PLEKHG2: variants seen among roughly 807,000 people sequenced by gnomAD.
PLEKHG2 encodes pleckstrin homology and RhoGEF domain containing G2, also known as pleckstrin homology domain-containing family G member 2.
In PLEKHG2, 71 loss-of-function variants were observed where a neutral mutation model predicts 104.4. That is an observed-to-expected ratio of 0.68 (90% CI 0.56 to 0.83). PLEKHG2 has a LOEUF of 0.83. Ranked by LOEUF, PLEKHG2 falls within the 40% of genes least tolerant of loss-of-function variation. The pLI is 0.00. For missense variants in PLEKHG2, 1,730 were observed against 1,809.4 expected (o/e 0.96, Z 0.80); for synonymous variants, 728 against 737.0 (o/e 0.99, Z 0.20).
At position 39,415,384 on chromosome 19, in the gene PLEKHG2, G is replaced by A. The variant is rs192537404; in HGVS notation, c.424G>A (p.Val142Met). The part of the protein sequence containing the change: ...LLDGGVLGLS[V>M]EQVGTLFANI... ...GGACGGCGGGGTCCTGGGGCTGAGC[G>A]TGGAGCAGGTGGGCACGCTGTTTGC... The change falls in exon 4 of 19, where the codon GTG (valine) becomes ATG (methionine). Residue 142 changes from valine (V) to methionine (M), a missense_variant. Val to Met is a conservative substitution (Grantham distance 21). Coordinates refer to ENST00000425673, the MANE Select transcript of PLEKHG2 (RefSeq NM_022835.3). The surrounding 1 kb of genome is among the most constrained non-coding windows in gnomAD (Gnocchi z 4.6). 42 of 1,614,046 alleles carry A rather than the reference G, an allele frequency of 2.6e-5. No individual in the cohort carries two copies. The highest frequency in any genetic ancestry group is 4.0e-5 in the African/African-American group (3 of 74,930).
rs1458879433 is a variant in PLEKHG2, at chr19:39,413,981, C to G, written c.-22-84C>G. The G allele has an allele frequency of 3.2e-6, 3 of 929,028 alleles. No homozygotes were observed. The highest frequency in any genetic ancestry group is 4.8e-6 in the Non-Finnish European group (3 of 620,306). 57.5% of individuals were successfully genotyped at this position (929,028 alleles called of 1,614,324 possible). Reference sequence around the variant, plus strand: ...CCCCTCCCTGGATTTACACCACGCTCCTAATTCCCAGCCCCCATCTGTGAG... The same window carrying G: ...CCCCTCCCTGGATTTACACCACGCTGCTAATTCCCAGCCCCCATCTGTGAG... On this transcript the variant is annotated intron_variant, in intron 1 of 18. Transcript: ENST00000425673. This position sits in a 1 kb window ranked among gnomAD's most constrained non-coding sequence, Gnocchi z 4.5.
rs1171785303 is a variant in PLEKHG2 at position 39,414,138 on chromosome 19, G to C, written c.52G>C (p.Gly18Arg). The change falls in exon 2 of 19, where the codon GGG (glycine) becomes CGG (arginine). Residue 18 changes from glycine to arginine, a missense_variant. By Grantham distance (125) the Gly-to-Arg change is moderately radical (BLOSUM62 -2). Transcript: ENST00000425673. ...LSLSKPSPSL[G>R]CGRRGEVCDC... is the part of the protein sequence containing the mutation. ...CCTCTCCAAACCTAGCCCAAGCCTC[G>C]GGTGTGGCCGAAGAGGTGAAGTGTG... 7 of 1,551,400 alleles carry C rather than the reference G, an allele frequency of 4.5e-6. No individual in the cohort carries two copies. Among genetic ancestry groups the C allele is most frequent in the African/African-American group, 1.4e-5 (1 of 73,054 alleles).
At position 39,418,613 on chromosome 19, in the gene PLEKHG2, G is replaced by A; in HGVS notation, c.1084-121G>A. 5 of 739,308 alleles carry A rather than the reference G, an allele frequency of 6.8e-6. No individual in the cohort carries two copies. The South Asian group carries it at 6.9e-5, about 10-fold the overall frequency. The allele number at this position is 739,308 out of a possible 1,614,324, so 45.8% of individuals were successfully genotyped here. The stretch of plus-strand genomic sequence containing the variant: ...AAAGGGAGAGGAAACCCACCATACA[G>A]CCTTATGGGATGCATCTTCCTAGGG... On this transcript the variant is annotated intron_variant, in intron 9 of 18. Coordinates refer to ENST00000425673, the MANE Select transcript of PLEKHG2 (RefSeq NM_022835.3).
chr19:39,421,651 T>C, intron 16 of PLEKHG2: 1 of 381,072 alleles, frequency 2.6e-6, no homozygotes, highest in South Asian at 2.7e-5. Context: ...GACACACCAC[T>C]GCACTCCAGC....
intron 16 of PLEKHG2, 174 bp from the exon 17 acceptor site, chr19:39,421,941 C>T (rs888264623): frequency 1.7e-5 from 9 of 540,160 alleles, no homozygotes; most frequent in South Asian, 4.0e-5. Context: ...CGCTTGAACC[C>T]GGGAGGCGGA....
intron 9 of PLEKHG2, 126 bp from the exon 10 acceptor site, chr19:39,418,608 A>G (rs1031374351): frequency 2.7e-5 from 19 of 696,452 alleles, no homozygotes; most frequent in Non-Finnish European, 4.1e-5. Flanking sequence ...GAAACCCACC[A>G]TACAGCCTTA....
chr19:39,417,734 A>C, intron 8 of PLEKHG2, 42 bp downstream of exon 8: 1 of 785,692 alleles, frequency 1.3e-6, no homozygotes, highest in Non-Finnish European at 1.8e-6. Flanking sequence ...TGAGGGAGTG[A>C]GCGAGGGGGC....
Position 39,423,273 on chromosome 19 carries a change from C to T in PLEKHG2, c.2219C>T (p.Ser740Leu). The T allele has an allele frequency of 6.2e-7, 1 of 1,614,052 alleles. No homozygotes were observed. The highest frequency in any genetic ancestry group is 8.5e-7 in the Non-Finnish European group (1 of 1,179,896). Residue 740 changes from serine to leucine, a missense_variant, in exon 18 of 19, where the codon TCA becomes TTA. Transcript: ENST00000425673. The stretch of plus-strand genomic sequence containing the variant: ...CCAGAGGAGGATGAAGAAGGGGTAT[C>T]ATTCACAGACTTCCAGCCCCAGGAT... ...AGPEEDEEGV[S>L]FTDFQPQDVT...
In PLEKHG2 at chr19:39,425,096, C is replaced by G. The variant is rs1305632049; in HGVS notation, c.3963C>G (p.Pro1321=). ...CGTCACGGGCATCTTCGCCGCCCCC[C>G]CAGCCCCAGCCACCACCTCCCCCAG... ...APTSRASSPP[P]QPQPPPPPAR... The change falls in exon 19 of 19, where the codon CCC becomes CCG. Residue 1321 remains proline (P), a synonymous_variant. Transcript: ENST00000425673. 6.3e-7 allele frequency: 1 copy of G among 1,588,696 alleles called. No homozygotes were observed. Among genetic ancestry groups the G allele is most frequent in the Non-Finnish European group, 8.6e-7 (1 of 1,167,564 alleles).
rs767215821 is a variant in PLEKHG2 at position 39,421,013 on chromosome 19, A to C, written c.1447+17A>C. ...GGCAGTCTGGTGAGCACTCACCCCT[A>C]AGGGTGATCCAGGCATCGGGGTGGG... On this transcript the variant is annotated intron_variant, in intron 14 of 18. Transcript: ENST00000425673. 2.5e-6 allele frequency: 4 copies of C among 1,613,992 alleles called. No homozygotes were observed. The Admixed American group carries it at 6.7e-5, about 27-fold the overall frequency.
Position 39,417,941 on chromosome 19 carries a change from G to T in PLEKHG2, c.919G>T (p.Glu307Ter). 1 of 1,544,052 alleles carries T rather than the reference G, an allele frequency of 6.5e-7. No individual in the cohort carries two copies. The change falls in exon 9 of 19, where the codon GAG becomes TAG. Residue 307 changes from glutamate to a stop codon, truncating the protein, a stop_gained. Coordinates refer to ENST00000425673, the MANE Select transcript of PLEKHG2 (RefSeq NM_022835.3). LOFTEE classifies it high-confidence loss of function. ...GCGGCTGGGTGGCTGGACCGGACCA[G>T]AGCTCAGTGCTTTTGGGGAACTGGT... is the stretch of plus-strand genomic sequence containing the variant. ...QRRLGGWTGP[E>*]LSAFGELVLE...
rs1029856493 is a variant in PLEKHG2 at position 39,417,451 on chromosome 19, C to A, written c.745-104C>A. On this transcript the variant is annotated intron_variant, in intron 7 of 18. Coordinates refer to ENST00000425673, the MANE Select transcript of PLEKHG2 (RefSeq NM_022835.3). Reference sequence around the variant, plus strand: ...TACAGACATGAGCCACTGCGCCTGGCCTCTGCCCCTATCTTTATATTTCTC... The same window carrying A: ...TACAGACATGAGCCACTGCGCCTGGACTCTGCCCCTATCTTTATATTTCTC... The A allele has an allele frequency of 6.3e-6, 9 of 1,423,564 alleles. No homozygotes were observed. The African/African-American group carries it at 1.1e-4, about 18-fold the overall frequency. 88.2% of individuals were successfully genotyped at this position (1,423,564 alleles called of 1,614,324 possible). A position where few individuals can be genotyped will look rare whatever the true frequency, so the allele number is the denominator to read the frequency against.
chr19:39,419,005 T>C lies in PLEKHG2; in HGVS notation c.1263+2T>C. ...CACCCTGCCTCCATCCCTGCCAAGGTACAGCTCCTGCCGCAGCCGGGGGCC... is the reference window on the plus strand; with the variant it reads ...CACCCTGCCTCCATCCCTGCCAAGGCACAGCTCCTGCCGCAGCCGGGGGCC... On this transcript the variant is annotated splice_donor_variant, in intron 11 of 18. Coordinates refer to ENST00000425673, the MANE Select transcript of PLEKHG2 (RefSeq NM_022835.3). LOFTEE classifies it high-confidence loss of function. 1 of 1,608,504 alleles carries C rather than the reference T, an allele frequency of 6.2e-7. No homozygotes were observed. The highest frequency in any genetic ancestry group is 8.5e-7 in the Non-Finnish European group (1 of 1,178,656).
Position 39,423,471 on chromosome 19 carries a change from G to A in PLEKHG2, c.2417G>A (p.Gly806Glu), listed in dbSNP as rs768190496. Residue 806 changes from glycine (G) to glutamate (E), a missense_variant, in exon 18 of 19, where the codon GGA (glycine) becomes GAA (glutamate). Transcript: ENST00000425673. ...GGAGACAGCGGGAGCGGGAAGGCAG[G>A]AGCCCCGAGTTCAGAAAGGACGGCG... is the stretch of plus-strand genomic sequence containing the variant. ...LGGDSGSGKA[G>E]APSSERTASR... The A allele has an allele frequency of 6.2e-7, 1 of 1,601,374 alleles. No individual in the cohort carries two copies. The highest frequency in any genetic ancestry group is 1.1e-5 in the South Asian group (1 of 90,018).
chr19:39,420,114 C>G (rs1380702490), intron 11 of PLEKHG2, among the ~76,000 whole-genome samples: 1 of 152,034 alleles, frequency 6.6e-6, no homozygotes, highest in Non-Finnish European at 1.5e-5. Context: ...AATCCCAGCA[C>G]TTCGGGAGGC....
chr19:39,414,314 G>T lies in PLEKHG2; in HGVS notation c.109+119G>T, dbSNP rs2078566899. On this transcript the variant is annotated intron_variant, in intron 2 of 18. Transcript: ENST00000425673. ...TCGCACAAAGCTCCGAGTCTGGTGG[G>T]GAAGGCGGGCCCATCCCCAGGCAAT... 4 of 1,072,930 alleles carry T rather than the reference G, an allele frequency of 3.7e-6. No homozygotes were observed. The South Asian group carries it at 6.0e-5, about 16-fold the overall frequency. The allele number at this position is 1,072,930 out of a possible 1,614,324, so 66.5% of individuals were successfully genotyped here. A position where few individuals can be genotyped will look rare whatever the true frequency, so the allele number is the denominator to read the frequency against.
rs751710472 is a variant in PLEKHG2, at chr19:39,416,430, G to C, written c.546+16G>C. ...CGTGCAGAGGGTGAGTGGAGGGGTG[G>C]GGGGCTCTCGGTCCTGGATGGGGCC... On this transcript the variant is annotated intron_variant, in intron 5 of 18. Coordinates refer to ENST00000425673, the MANE Select transcript of PLEKHG2 (RefSeq NM_022835.3). The surrounding 1 kb of genome is among the most constrained non-coding windows in gnomAD (Gnocchi z 4.5). 1 of 1,613,116 alleles carries C rather than the reference G, an allele frequency of 6.2e-7. No homozygotes were observed. The highest frequency in any genetic ancestry group is 1.1e-5 in the South Asian group (1 of 91,042).
At chr19:39,418,653 A>G in intron 9 of PLEKHG2, 81 bp from the exon 10 acceptor site, 1 of 1,124,674 alleles carries the variant, frequency 8.9e-7, no homozygotes, top group South Asian at 1.4e-5. Context: ...GGACCCAGAT[A>G]CACCTCCAAG....
intron 11 of PLEKHG2, among the ~76,000 whole-genome samples, chr19:39,419,813 G>A (rs1485664471): frequency 1.3e-5 from 2 of 151,908 alleles, no homozygotes; most frequent in African/African-American, 4.8e-5. Flanking sequence ...GGAGGCAAGA[G>A]CTTGCAGTGA....
Sources: allele counts gnomAD v4.1 joint callset (sites outside exome capture counted in the v4.1 genomes callset), GRCh38; gene constraint gnomAD v4.1.1; non-coding constraint Gnocchi (gnomAD v3.1); transcripts MANE v1.5; gene names NCBI Gene and HGNC (gene_info 2026-07-23, HGNC 2026-07-21).